CDH13: variants seen among roughly 807,000 people sequenced by gnomAD.
CDH13 encodes the protein cadherin-13.
Under a neutral mutation model 63.8 loss-of-function variants are expected in CDH13, and 24 were observed. That is an observed-to-expected ratio of 0.38 (90% CI 0.27 to 0.53). The LOEUF is 0.53. Among genes scored for constraint, CDH13 ranks in the 20% least tolerant of loss-of-function variants. The pLI, the probability that CDH13 is intolerant of heterozygous loss-of-function variation, is 0.85. For missense variants in CDH13, 1,049 were observed against 903.1 expected, an observed-to-expected ratio of 1.16 and a Z score of -2.07; for synonymous variants, 503 against 355.3, an observed-to-expected ratio of 1.42 and a Z score of -4.67.
intron 2 of CDH13, among the ~76,000 whole-genome samples, chr16:83,028,000 G>A (rs1296219173): frequency 6.6e-6 from 1 of 152,086 alleles, no homozygotes; most frequent in Non-Finnish European, 1.5e-5. Flanking sequence ...ATTTATGGTA[G>A]GAAGAAAGGG....
chr16:83,127,346 G>A (rs2035857159), intron 4 of CDH13, among the ~76,000 whole-genome samples: 1 of 152,200 alleles, frequency 6.6e-6, no homozygotes, highest in South Asian at 2.1e-4. Flanking sequence ...ATGATTAGTG[G>A]TAGCAGAGCA....
rs1033394802 is a variant in CDH13, at chr16:82,960,027, T to C, written c.158-71983T>C. ...AGCGGCTATACCATTTTACATTCTATTGAAGAGTTTTGAGCAGTAAGGTGA... is the reference window on the plus strand; with the variant it reads ...AGCGGCTATACCATTTTACATTCTACTGAAGAGTTTTGAGCAGTAAGGTGA... On this transcript the variant is annotated intron_variant, in intron 2 of 13. Transcript: ENST00000567109. 5.9e-5 allele frequency among the ~76,000 whole-genome samples: 9 copies of C among 152,208 alleles called. No homozygotes were observed. In the East Asian group the frequency reaches 1.2e-3, roughly 20 times the overall value.
intron 3 of CDH13, among the ~76,000 whole-genome samples, chr16:83,088,799 AT>A (rs1567818060): frequency 6.6e-6 from 1 of 152,202 alleles, no homozygotes. Flanking sequence ...TTTTGCCAGC[AT>A]TTAGAAGCTG....
intron 1 of CDH13, among the ~76,000 whole-genome samples, chr16:82,754,416 G>A (rs1338522219): frequency 6.6e-6 from 1 of 152,102 alleles, no homozygotes; most frequent in Non-Finnish European, 1.5e-5. Flanking sequence ...TGAACTTTAG[G>A]AGAATAAAGT....
At chr16:82,826,044 T>G (rs1392413854) in intron 1 of CDH13, 1 of 148,348 alleles carries the variant, frequency 6.7e-6, no homozygotes, top group Non-Finnish European at 1.5e-5. Flanking sequence ...TTTAGTAGAG[T>G]CGGGGTTTCA....
intron 8 of CDH13, among the ~76,000 whole-genome samples, chr16:83,666,919 G>T (rs531799415): frequency 1.2e-4 from 19 of 152,150 alleles, no homozygotes; most frequent in African/African-American, 4.1e-4. Flanking sequence ...TTTCCCATCT[G>T]TCTCTCCTTT....
At chr16:82,881,189 T>C (rs1472375598) in intron 2 of CDH13, among the ~76,000 whole-genome samples, 1 of 152,172 alleles carries the variant, frequency 6.6e-6, no homozygotes, top group African/African-American at 2.4e-5. Flanking sequence ...TGCATGTGCT[T>C]GGGTGTGTAG....
chr16:83,603,948 G>A (rs1361611455), intron 8 of CDH13, among the ~76,000 whole-genome samples: 1 of 152,100 alleles, frequency 6.6e-6, no homozygotes, highest in Non-Finnish European at 1.5e-5. Flanking sequence ...AGGGGAAGGT[G>A]CCACACACTT....
At chr16:83,021,499 G>A (rs1016768639) in intron 2 of CDH13, among the ~76,000 whole-genome samples, 1 of 152,186 alleles carries the variant, frequency 6.6e-6, no homozygotes, top group Non-Finnish European at 1.5e-5. Context: ...AATGGTAGGT[G>A]GAGAAAATCC....
intron 9 of CDH13, among the ~76,000 whole-genome samples, chr16:83,677,695 G>A (rs570770099): frequency 7.1e-4 from 108 of 152,218 alleles, no homozygotes; most frequent in African/African-American, 2.5e-3. Context: ...TGTTCCATTT[G>A]ATCCACTGTG....
intron 1 of CDH13, among the ~76,000 whole-genome samples, chr16:82,744,754 C>G (rs1248464101): frequency 6.6e-6 from 1 of 152,296 alleles, no homozygotes; most frequent in Non-Finnish European, 1.5e-5. Context: ...AGCTCCACCA[C>G]CTATTTCGAG....
chr16:82,741,094 T>G (rs903778433), intron 1 of CDH13, among the ~76,000 whole-genome samples: 1 of 152,154 alleles, frequency 6.6e-6, no homozygotes, highest in African/African-American at 2.4e-5. Context: ...AACCCAACAA[T>G]GACCACAGAT....
At chr16:83,749,229 A>C (rs187602) in intron 11 of CDH13, among the ~76,000 whole-genome samples, 37,564 of 152,176 alleles carry the variant, frequency 0.25, 5,126 homozygotes, top group Non-Finnish European at 0.32. Context: ...TGTTATACTC[A>C]ACAAGGGTGA....
At chr16:82,708,116 C>T (rs751011271) in intron 1 of CDH13, among the ~76,000 whole-genome samples, 6 of 152,124 alleles carry the variant, frequency 3.9e-5, no homozygotes, top group South Asian at 2.1e-4. Context: ...TTTCAGTGCA[C>T]GCATGGAGGC....
At chr16:83,355,152 G>A (rs980657081) in intron 6 of CDH13, among the ~76,000 whole-genome samples, 1 of 152,148 alleles carries the variant, frequency 6.6e-6, no homozygotes, top group Non-Finnish European at 1.5e-5. Context: ...GAGAAATAGG[G>A]AAACAAGGCA....
chr16:83,282,539 CCTGT>C (rs534475461), intron 5 of CDH13, among the ~76,000 whole-genome samples: 50 of 152,242 alleles, frequency 3.3e-4, no homozygotes, highest in African/African-American at 1.0e-3. Flanking sequence ...CACTAAAACC[CCTGT>C]CTATTTGGGA....
At chr16:82,652,158 T>A (rs1235934062) in intron 1 of CDH13, among the ~76,000 whole-genome samples, 1 of 152,130 alleles carries the variant, frequency 6.6e-6, no homozygotes, top group Non-Finnish European at 1.5e-5. Context: ...TGAAAAGAGG[T>A]CATCAGATTG....
intron 3 of CDH13, among the ~76,000 whole-genome samples, chr16:83,064,002 G>A (rs916699483): frequency 6.6e-6 from 1 of 152,146 alleles, no homozygotes; most frequent in African/African-American, 2.4e-5. Flanking sequence ...AAGCGGAGAT[G>A]CCAGAAAAAG....
intron 6 of CDH13, among the ~76,000 whole-genome samples, chr16:83,457,103 C>T (rs893768164): frequency 6.6e-6 from 1 of 152,090 alleles, no homozygotes; most frequent in African/African-American, 2.4e-5. Flanking sequence ...GGATGGAGTC[C>T]AAGCCAAAAC....
Sources: gnomAD v4.1 joint callset for allele counts (sites outside exome capture counted in the v4.1 genomes callset) on GRCh38, gnomAD v4.1.1 for gene constraint, MANE v1.5 for transcripts, NCBI Gene and HGNC (gene_info 2026-07-23, HGNC 2026-07-21) for gene names.